TTC23: variants seen among roughly 807,000 people sequenced by gnomAD.
The protein encoded by TTC23 is tetratricopeptide repeat protein 23.
TTC23 carries 58 observed loss-of-function variants against 55.1 expected under a neutral mutation model. The observed-to-expected ratio is 1.05, with a 90% CI of 0.85 to 1.31. The LOEUF is 1.31. Ranked by LOEUF, TTC23 falls within the 50% of genes most tolerant of loss-of-function variation. The probability of loss-of-function intolerance (pLI) is 0.00; values close to 1 mark genes in which losing one functional copy is unlikely to be tolerated. For synonymous variants in TTC23, 203 were observed against 199.9 expected (o/e 1.02, Z -0.13); for missense variants, 516 against 534.4 (o/e 0.97, Z 0.34).
intron 9 of TTC23, among the ~76,000 whole-genome samples, chr15:99,184,441 C>A (rs1009116297): frequency 6.6e-6 from 1 of 152,248 alleles, no homozygotes; most frequent in Non-Finnish European, 1.5e-5. Context: ...TCACCTCTTA[C>A]ATCAGCATGA....
At chr15:99,168,585 G>A (rs560264475) in intron 10 of TTC23, among the ~76,000 whole-genome samples, 2 of 152,280 alleles carry the variant, frequency 1.3e-5, no homozygotes, top group South Asian at 4.2e-4. Flanking sequence ...TGAAAAACCC[G>A]AACCTCATGA....
intron 4 of TTC23, among the ~76,000 whole-genome samples, chr15:99,231,326 A>G (rs2078914758): frequency 1.3e-5 from 2 of 152,214 alleles, no homozygotes; most frequent in Admixed American, 6.5e-5. Context: ...CAGGTCCTTC[A>G]AGAGCTATTC....
At chr15:99,248,423 A>T (rs2080447583) in intron 1 of TTC23, 1 of 152,184 alleles carries the variant, frequency 6.6e-6, no homozygotes, top group African/African-American at 2.4e-5. Context: ...CTTCTGCCGC[A>T]GTCAGAACCA....
chr15:99,245,101 T>C (rs1453293499), intron 2 of TTC23, among the ~76,000 whole-genome samples: 1 of 152,246 alleles, frequency 6.6e-6, no homozygotes, highest in Non-Finnish European at 1.5e-5. Flanking sequence ...GGTACACTTA[T>C]ATCAAAACAC....
At chr15:99,217,929 T>C (rs2077602284) in intron 8 of TTC23, among the ~76,000 whole-genome samples, 1 of 152,208 alleles carries the variant, frequency 6.6e-6, no homozygotes, top group South Asian at 2.1e-4. Context: ...GGCAGCCATG[T>C]AGGTCAACTG....
At chr15:99,183,790 G>A (rs1037241997) in intron 9 of TTC23, among the ~76,000 whole-genome samples, 1 of 152,218 alleles carries the variant, frequency 6.6e-6, no homozygotes, top group African/African-American at 2.4e-5. Context: ...TAAGTAACGA[G>A]GAGCTGAATG....
chr15:99,156,186 G>A lies in TTC23; in HGVS notation c.1105C>T (p.Gln369Ter), dbSNP rs1567346083. The change falls in exon 12 of 14, where the codon CAG becomes TAG. Residue 369 changes from glutamine (Q) to a stop codon, truncating the protein, a stop_gained. Coordinates refer to ENST00000394132, the MANE Select transcript of TTC23 (RefSeq NM_001288615.3). LOFTEE classifies it high-confidence loss of function. ...YRLLGGADLAQGNHSGARKKL... is the reference protein window; with the variant it reads ...YRLLGGADLA The stretch of plus-strand genomic sequence containing the variant: ...TTGCGGGCCCCACTGTGGTTCCCCT[G>A]CGCCAGGTCTGCTCCTCCCAGGAGC... 6.2e-7 allele frequency: 1 copy of A among 1,614,192 alleles called. No homozygotes were observed. The highest frequency in any genetic ancestry group is 8.5e-7 in the Non-Finnish European group (1 of 1,180,040).
intron 1 of TTC23, among the ~76,000 whole-genome samples, chr15:99,246,279 T>C (rs754335060): frequency 4.3e-4 from 65 of 152,262 alleles, no homozygotes; most frequent in Non-Finnish European, 7.5e-4. Context: ...ATCATTAATC[T>C]GATAAAGGAC....
intron 11 of TTC23, 85 bp from the exon 12 acceptor site, chr15:99,156,382 G>T (rs1408466688): frequency 1.3e-6 from 2 of 1,514,916 alleles, no homozygotes; most frequent in African/African-American, 1.4e-5. Flanking sequence ...TTTCACATGG[G>T]TGTGGTAGTC....
chr15:99,177,563 T>C (rs933023810), intron 9 of TTC23, among the ~76,000 whole-genome samples: 8 of 152,158 alleles, frequency 5.3e-5, no homozygotes, highest in African/African-American at 1.9e-4. Context: ...CAAATGCAAA[T>C]TGAGCCATGT....
Position 99,221,711 on chromosome 15 carries a change from C to T in TTC23, c.304+30G>A, listed in dbSNP as rs112194455. On this transcript the variant is annotated intron_variant, in intron 6 of 13. Transcript: ENST00000394132. ...GGGGAGAACAGCAGAAATCGACCAA[C>T]TGATCCCCCTCAGTCTAAGGCGAGC... 1.9e-6 allele frequency: 3 copies of T among 1,612,934 alleles called. No homozygotes were observed. The African/African-American group carries it at 4.0e-5, about 22-fold the overall frequency.
chr15:99,137,218 GCCT>G lies in TTC23; in HGVS notation c.*789_*791del, dbSNP rs1555487394. The stretch of plus-strand genomic sequence containing the variant: ...ACTTTGCCATCCTCACACGACTATG[GCCT>G]CCTTCCAGGGGGCTGAAGACTGCTG... On this transcript the variant is annotated 3_prime_UTR_variant, in exon 14 of 14. Transcript: ENST00000394132. 2.0e-5 allele frequency: 3 copies of G among 152,296 alleles called. No individual in the cohort carries two copies. Among genetic ancestry groups the G allele is most frequent in the African/African-American group, 7.2e-5 (3 of 41,466 alleles). The allele number at this position is 152,296 out of a possible 1,614,324, so 9.4% of individuals were successfully genotyped here. A position where few individuals can be genotyped will look rare whatever the true frequency, so the allele number is the denominator to read the frequency against.
At chr15:99,142,725 G>A (rs370947148) in intron 12 of TTC23, among the ~76,000 whole-genome samples, 244 of 152,332 alleles carry the variant, frequency 1.6e-3, no homozygotes, top group African/African-American at 5.6e-3. Flanking sequence ...CGGGAAGAAT[G>A]AGAAGGCAAC....
intron 10 of TTC23, among the ~76,000 whole-genome samples, chr15:99,169,272 C>T (rs1360905937): frequency 2.0e-5 from 3 of 152,172 alleles, no homozygotes; most frequent in Non-Finnish European, 4.4e-5. Flanking sequence ...TCTCTCAGAG[C>T]GCACAGGGGC....
chr15:99,238,524 G>A (rs540653726), intron 3 of TTC23, among the ~76,000 whole-genome samples: 20 of 152,290 alleles, frequency 1.3e-4, no homozygotes, highest in African/African-American at 4.6e-4. Flanking sequence ...CAGACAACAA[G>A]AAGGGAGAAG....
At position 99,182,809 on chromosome 15, in the gene TTC23, A is replaced by T. The variant is rs185173118; in HGVS notation, c.760-7654T>A. ...AAACAAAGAACATGTATCATTTTTT[A>T]AAAAAAGTAGTTATTACTTAAAAAA... On this transcript the variant is annotated intron_variant, in intron 9 of 13. Coordinates refer to ENST00000394132, the MANE Select transcript of TTC23 (RefSeq NM_001288615.3). Among the ~76,000 whole-genome samples the T allele has an allele frequency of 2.0e-3, 296 of 147,634 alleles. 1 individual carries two copies. Among genetic ancestry groups the T allele is most frequent in the Middle Eastern group, 6.9e-3 (2 of 288 alleles).
At chr15:99,251,055 A>T (rs1400485055), upstream of TTC23, 1 of 52,270 alleles carries the variant, frequency 1.9e-5, no homozygotes, top group Non-Finnish European at 3.7e-5. Context: ...TAATCCCTCA[A>T]CGTGTGCTCT....
intron 12 of TTC23, among the ~76,000 whole-genome samples, chr15:99,143,429 CGCTGA>C (rs1567312512): frequency 1.3e-5 from 2 of 152,164 alleles, no homozygotes; most frequent in African/African-American, 4.8e-5. Flanking sequence ...GTAAACATGT[CGCTGA>C]GCTAAGTAAA....
chr15:99,174,477 A>G (rs1237335812), intron 10 of TTC23, among the ~76,000 whole-genome samples: 2 of 151,876 alleles, frequency 1.3e-5, no homozygotes, highest in Non-Finnish European at 2.9e-5. Context: ...AAAAAAAAAA[A>G]TCATTAGTAC....
Sources: gnomAD v4.1 joint callset for allele counts (sites outside exome capture counted in the v4.1 genomes callset) on GRCh38, gnomAD v4.1.1 for gene constraint, MANE v1.5 for transcripts, NCBI Gene and HGNC (gene_info 2026-07-23, HGNC 2026-07-21) for gene names.